TMPRSS12: variants seen among roughly 807,000 people sequenced by gnomAD.
TMPRSS12 encodes the protein transmembrane serine protease 12.
A neutral mutation model predicts 26.0 loss-of-function variants in TMPRSS12; 25 were observed. The observed-to-expected ratio is 0.96, with a 90% CI of 0.70 to 1.34. TMPRSS12 has a LOEUF of 1.34. TMPRSS12 is among the 40% of genes most tolerant of loss of function. The pLI is 0.00. For synonymous variants in TMPRSS12, 150 were observed against 161.7 expected (o/e 0.93, Z 0.55); for missense variants, 441 against 440.1 (o/e 1.00, Z -0.02).
intron 2 of TMPRSS12, 60 bp downstream of exon 2, chr12:50,844,097 G>A: frequency 1.4e-6 from 2 of 1,412,518 alleles, no homozygotes; most frequent in South Asian, 3.1e-5. Context: ...AGTGATAGAG[G>A]ACCATTTAAC....
At chr12:50,854,386 TGAGAACTGGAA>T (rs903236044) in intron 2 of TMPRSS12, among the ~76,000 whole-genome samples, 6 of 152,088 alleles carry the variant, frequency 3.9e-5, no homozygotes, top group African/African-American at 1.4e-4. Context: ...GAAATGCCCT[TGAGAACTGGAA>T]CAAGACAAGG....
In TMPRSS12 at chr12:50,882,982, C is replaced by A. The variant is rs1479496844; in HGVS notation, c.653-2264C>A. On this transcript the variant is annotated intron_variant, in intron 3 of 4. Transcript: ENST00000398458. ...GAAAGCCCAACGTTATAAATGCAGGCATTTCAAACAAATTATTAGTAATAA... is the reference window on the plus strand; with the variant it reads ...GAAAGCCCAACGTTATAAATGCAGGAATTTCAAACAAATTATTAGTAATAA... Among the ~76,000 whole-genome samples the A allele has an allele frequency of 2.6e-5, 4 of 152,092 alleles. No individual in the cohort carries two copies. In the East Asian group the frequency reaches 7.7e-4, roughly 29 times the overall value.
chr12:50,877,233 T>A (rs1005705224), intron 3 of TMPRSS12, among the ~76,000 whole-genome samples: 27 of 152,212 alleles, frequency 1.8e-4, no homozygotes, highest in Middle Eastern at 3.4e-3. Context: ...ATTCTTTTTT[T>A]AAAAAAATAG....
At chr12:50,851,935 T>C (rs1937830018) in intron 2 of TMPRSS12, among the ~76,000 whole-genome samples, 1 of 152,228 alleles carries the variant, frequency 6.6e-6, no homozygotes, top group Non-Finnish European at 1.5e-5. Flanking sequence ...AAGAATTTCA[T>C]ATCCAGCCAA....
intron 3 of TMPRSS12, among the ~76,000 whole-genome samples, chr12:50,868,929 T>G (rs1938016822): frequency 1.3e-5 from 2 of 151,966 alleles, no homozygotes; most frequent in Admixed American, 1.3e-4. Context: ...AGATGGAAAT[T>G]AAAAAGTTCT....
chr12:50,876,294 G>A lies in TMPRSS12; in HGVS notation c.653-8952G>A, dbSNP rs534951569. Among the ~76,000 whole-genome samples, 53 of 152,316 alleles carry A rather than the reference G, an allele frequency of 3.5e-4. No individual in the cohort carries two copies. The South Asian group carries it at 7.5e-3, about 21-fold the overall frequency. Reference sequence around the variant, plus strand: ...AGAAAGGAATGCTTACACACTGCTGGTGGGAATAGAAATTAGTTCAGCTTC... The same window carrying A: ...AGAAAGGAATGCTTACACACTGCTGATGGGAATAGAAATTAGTTCAGCTTC... On this transcript the variant is annotated intron_variant, in intron 3 of 4. Coordinates refer to ENST00000398458, the MANE Select transcript of TMPRSS12 (RefSeq NM_182559.3).
At chr12:50,873,210 G>T (rs1592223439) in intron 3 of TMPRSS12, among the ~76,000 whole-genome samples, 1 of 152,006 alleles carries the variant, frequency 6.6e-6, no homozygotes, top group East Asian at 1.9e-4. Flanking sequence ...GGGGGCGAGG[G>T]ATAAAAGTCT....
chr12:50,857,407 C>T (rs1422347139), intron 2 of TMPRSS12, among the ~76,000 whole-genome samples: 1 of 151,868 alleles, frequency 6.6e-6, no homozygotes, highest in African/African-American at 2.4e-5. Context: ...TCTATTTACA[C>T]TTTCTGCCAT....
At chr12:50,882,306 AAAAAAAAG>A (rs1476678161) in intron 3 of TMPRSS12, among the ~76,000 whole-genome samples, 1 of 147,488 alleles carries the variant, frequency 6.8e-6, no homozygotes, top group African/African-American at 2.5e-5. Flanking sequence ...AAAAAAAAAA[AAAAAAAAG>A]AATATTACAG....
At chr12:50,856,273 C>T (rs1284079553) in intron 2 of TMPRSS12, among the ~76,000 whole-genome samples, 1 of 152,134 alleles carries the variant, frequency 6.6e-6, no homozygotes, top group Non-Finnish European at 1.5e-5. Flanking sequence ...TCTCATCATG[C>T]AATGCTCCTG....
chr12:50,849,077 T>A (rs1937800516), intron 2 of TMPRSS12, among the ~76,000 whole-genome samples: 1 of 152,168 alleles, frequency 6.6e-6, no homozygotes, highest in Admixed American at 6.6e-5. Flanking sequence ...CCCAGGCTGG[T>A]CTCTAACTCC....
At chr12:50,866,319 T>C (rs932146747) in intron 3 of TMPRSS12, among the ~76,000 whole-genome samples, 5 of 152,104 alleles carry the variant, frequency 3.3e-5, no homozygotes, top group African/African-American at 1.2e-4. Flanking sequence ...GACTGGCCCT[T>C]TGGATTGTGT....
intron 2 of TMPRSS12, among the ~76,000 whole-genome samples, chr12:50,847,121 C>T (rs547913041): frequency 3.5e-5 from 5 of 142,354 alleles, no homozygotes; most frequent in African/African-American, 5.2e-5. Context: ...TGCAGTGGCG[C>T]GATCTCGGCT....
At chr12:50,857,752 T>C (rs1937892338) in intron 2 of TMPRSS12, among the ~76,000 whole-genome samples, 2 of 152,166 alleles carry the variant, frequency 1.3e-5, no homozygotes, top group Admixed American at 6.6e-5. Flanking sequence ...TGCGTCAATG[T>C]TATATATTCA....
chr12:50,852,402 G>A (rs1937834367), intron 2 of TMPRSS12, among the ~76,000 whole-genome samples: 1 of 152,136 alleles, frequency 6.6e-6, no homozygotes, highest in Admixed American at 6.5e-5. Flanking sequence ...TCTTATTTTA[G>A]ACAAAATAGA....
rs1253954842 is a variant in TMPRSS12, at chr12:50,887,843, TTAAA to T, written c.*332_*335del. The T allele has an allele frequency of 5.9e-6, 1 of 170,062 alleles. No homozygotes were observed. Among genetic ancestry groups the T allele is most frequent in the Non-Finnish European group, 1.2e-5 (1 of 80,520 alleles). 10.5% of individuals were successfully genotyped at this position (170,062 alleles called of 1,614,324 possible). ...AATTAAAATGAAAGCTGTCATTTGGTTAAATTAATAAAAATTCTTTCTTAGATTT... is the reference window on the plus strand; with the variant it reads ...AATTAAAATGAAAGCTGTCATTTGGTTTAATAAAAATTCTTTCTTAGATTT... On this transcript the variant is annotated 3_prime_UTR_variant, in exon 5 of 5. Transcript: ENST00000398458.
At chr12:50,847,499 A>T (rs1478721659) in intron 2 of TMPRSS12, among the ~76,000 whole-genome samples, 4 of 151,078 alleles carry the variant, frequency 2.6e-5, no homozygotes, top group Non-Finnish European at 5.9e-5. Flanking sequence ...TTTTTATGAG[A>T]GGGAGTTTCG....
At position 50,872,687 on chromosome 12, in the gene TMPRSS12, C is replaced by CACATATATGACGTATATGTGT. The variant is rs1592222974; in HGVS notation, c.653-12551_653-12550insGACGTATATGTGTACATATAT. On this transcript the variant is annotated intron_variant, in intron 3 of 4. Coordinates refer to ENST00000398458, the MANE Select transcript of TMPRSS12 (RefSeq NM_182559.3). ...TATGTACATATATATGACGTATATG[C>CACATATATGACGTATATGTGT]ACATATATATGACGTATATGTGTAC... Among the ~76,000 whole-genome samples, 3 of 14,726 alleles carry CACATATATGACGTATATGTGT rather than the reference C, an allele frequency of 2.0e-4. 1 individual carries two copies. Among genetic ancestry groups the CACATATATGACGTATATGTGT allele is most frequent in the East Asian group, 4.8e-3 (2 of 416 alleles). 9.7% of individuals were successfully genotyped at this position (14,726 alleles called of 152,430 possible). A position where few individuals can be genotyped will look rare whatever the true frequency, so the allele number is the denominator to read the frequency against.
intron 2 of TMPRSS12, among the ~76,000 whole-genome samples, chr12:50,845,694 A>G (rs1937760946): frequency 6.6e-6 from 1 of 152,226 alleles, no homozygotes; most frequent in Admixed American, 6.5e-5. Context: ...CTCTCTGTGC[A>G]GTATCTTACA....
Sources: gnomAD v4.1 joint callset for allele counts (sites outside exome capture counted in the v4.1 genomes callset) on GRCh38, gnomAD v4.1.1 for gene constraint, MANE v1.5 for transcripts, NCBI Gene and HGNC (gene_info 2026-07-23, HGNC 2026-07-21) for gene names.